The following CREBRF variants were observed in gnomAD, a reference collection of about 807,000 sequenced individuals.
CREBRF encodes UPF0474 protein C5orf41.
Under a neutral mutation model 66.1 loss-of-function variants are expected in CREBRF, and 5 were observed. That is an observed-to-expected ratio of 0.08 (90% CI 0.04 to 0.16). The LOEUF is 0.16. CREBRF is among the 10% of genes least tolerant of loss of function. CREBRF has a pLI of 1.00. For missense variants in CREBRF, 531 were observed against 744.9 expected, an observed-to-expected ratio of 0.71 and a Z score of 3.34; for synonymous variants, 229 against 264.4, an observed-to-expected ratio of 0.87 and a Z score of 1.30.
Position 173,056,411 on chromosome 5 carries a change from G to A in CREBRF, c.-260G>A, listed in dbSNP as rs939868051. 3 of 398,192 alleles carry A rather than the reference G, an allele frequency of 7.5e-6. No individual in the cohort carries two copies. The highest frequency in any genetic ancestry group is 1.3e-5 in the Non-Finnish European group (3 of 225,822). 24.7% of individuals were successfully genotyped at this position (398,192 alleles called of 1,614,324 possible). On this transcript the variant is annotated 5_prime_UTR_variant, in exon 1 of 9. Transcript: ENST00000296953. Reference sequence around the variant, plus strand: ...ACATAAACAAAACAAACCCGAGGCAGCATGGAGAGGGGCCGTGGCCCCTGC... The same window carrying A: ...ACATAAACAAAACAAACCCGAGGCAACATGGAGAGGGGCCGTGGCCCCTGC...
intron 1 of CREBRF, among the ~76,000 whole-genome samples, chr5:173,073,739 G>A (rs193986): frequency 0.49 from 73,975 of 152,042 alleles, 19,138 homozygotes; most frequent in Non-Finnish European, 0.58. Context: ...AGGCCGAGGC[G>A]GGCGGATCAC....
At chr5:173,077,969 G>A (rs1033956480) in intron 1 of CREBRF, among the ~76,000 whole-genome samples, 6 of 152,098 alleles carry the variant, frequency 3.9e-5, no homozygotes, top group African/African-American at 1.2e-4. Context: ...TCATCTGTTT[G>A]TGGACACTTG....
chr5:173,102,488 A>G (rs771694571), intron 4 of CREBRF, among the ~76,000 whole-genome samples: 1 of 152,112 alleles, frequency 6.6e-6, no homozygotes, highest in Non-Finnish European at 1.5e-5. Flanking sequence ...GTCAGCAGCC[A>G]GGTGGGTCTG....
rs184409011 is a variant in CREBRF, at chr5:173,082,352, G to T, written c.9+1568G>T. Reference sequence around the variant, plus strand: ...TATTTATTGAGTACTTGAATTTGGGGCTTAAATTTTAAACTTATTTTCTCA... The same window carrying T: ...TATTTATTGAGTACTTGAATTTGGGTCTTAAATTTTAAACTTATTTTCTCA... On this transcript the variant is annotated intron_variant, in intron 2 of 8. Coordinates refer to ENST00000296953, the MANE Select transcript of CREBRF (RefSeq NM_153607.3). Among the ~76,000 whole-genome samples, 388 of 151,832 alleles carry T rather than the reference G, an allele frequency of 2.6e-3. 3 individuals carry two copies. Among genetic ancestry groups the T allele is most frequent in the African/African-American group, 9.2e-3 (383 of 41,448 alleles).
intron 1 of CREBRF, among the ~76,000 whole-genome samples, chr5:173,065,757 C>T (rs1413438690): frequency 6.6e-6 from 1 of 151,438 alleles, no homozygotes; most frequent in Non-Finnish European, 1.5e-5. Flanking sequence ...ATCCTCCCAC[C>T]TCAGCCTCAC....
chr5:173,059,811 T>C (rs944844073), intron 1 of CREBRF, among the ~76,000 whole-genome samples: 7 of 152,228 alleles, frequency 4.6e-5, no homozygotes, highest in African/African-American at 1.7e-4. Flanking sequence ...GTATAATTCC[T>C]TCATATGACT....
chr5:173,091,215 G>C lies in CREBRF; in HGVS notation c.1036G>C (p.Gly346Arg). The C allele has an allele frequency of 1.2e-6, 2 of 1,614,114 alleles. No homozygotes were observed. Among genetic ancestry groups the C allele is most frequent in the Non-Finnish European group, 1.7e-6 (2 of 1,180,022 alleles). ...TTCTCTTTTTGTCTCCGACAACTTG[G>C]GTGAACAGCCAACTAAATGCAGTCC... ...NYSLFVSDNL[G>R]EQPTKCSPEE... is the part of the protein sequence containing the mutation. The change falls in exon 4 of 9, where the codon GGT (glycine) becomes CGT (arginine). Residue 346 changes from glycine to arginine, a missense_variant. Gly to Arg is a moderately radical substitution (Grantham distance 125). This residue lies in a region of CREBRF where 309 missense variants were observed against 341.4 expected (regional missense o/e 0.90). Transcript: ENST00000296953.
rs116101142 is a variant in CREBRF, at chr5:173,071,533, T to A, written c.-191-9052T>A. ...CCTTGTTTTTGTTTTTTTAAGAGAC[T>A]AGGTCTCACTTTGTGGGCCAGGCTT... On this transcript the variant is annotated intron_variant, in intron 1 of 8. Transcript: ENST00000296953. 6.4e-3 allele frequency among the ~76,000 whole-genome samples: 969 copies of A among 151,664 alleles called. 9 individuals carry two copies. The highest frequency in any genetic ancestry group is 0.011 in the Non-Finnish European group (753 of 67,906).
rs552691457 is a variant in CREBRF, at chr5:173,122,277, G to GT, written c.1682-799dup. Among the ~76,000 whole-genome samples, 20 of 152,152 alleles carry GT rather than the reference G, an allele frequency of 1.3e-4. No homozygotes were observed. The South Asian group carries it at 4.2e-3, about 32-fold the overall frequency. On this transcript the variant is annotated intron_variant, in intron 7 of 8. Transcript: ENST00000296953. Reference sequence around the variant, plus strand: ...CCACCACACCTGGCTAATTTTCGTGGTTTTATTAGACACAGGGTTTCACCG... The same window carrying GT: ...CCACCACACCTGGCTAATTTTCGTGGTTTTTATTAGACACAGGGTTTCACCG...
At chr5:173,102,108 G>A (rs1758643185) in intron 4 of CREBRF, among the ~76,000 whole-genome samples, 1 of 152,134 alleles carries the variant, frequency 6.6e-6, no homozygotes, top group African/African-American at 2.4e-5. Context: ...TTTAGTCCTT[G>A]TGTTCTTCAG....
At chr5:173,095,104 A>T (rs1758444588) in intron 4 of CREBRF, among the ~76,000 whole-genome samples, 1 of 150,992 alleles carries the variant, frequency 6.6e-6, no homozygotes, top group South Asian at 2.1e-4. Context: ...ATAATGTGGG[A>T]ATTTATTTCT....
At chr5:173,059,430 A>G (rs1377595238) in intron 1 of CREBRF, among the ~76,000 whole-genome samples, 1 of 150,942 alleles carries the variant, frequency 6.6e-6, no homozygotes, top group Non-Finnish European at 1.5e-5. Flanking sequence ...ACGCCCGGCT[A>G]ATTTTGTATT....
intron 4 of CREBRF, 177 bp downstream of exon 4, chr5:173,091,578 C>CA: frequency 7.2e-7 from 1 of 1,391,100 alleles, no homozygotes; most frequent in Non-Finnish European, 9.3e-7. Flanking sequence ...CTAAAATGAT[C>CA]ACTTTTGCTC....
At chr5:173,129,412 G>A (rs530992971) in intron 8 of CREBRF, among the ~76,000 whole-genome samples, 4 of 152,020 alleles carry the variant, frequency 2.6e-5, no homozygotes, top group Admixed American at 6.6e-5. Flanking sequence ...CACCGCGCCC[G>A]GCCAGTTACA....
intron 1 of CREBRF, among the ~76,000 whole-genome samples, chr5:173,058,813 T>A (rs1473358018): frequency 1.1e-3 from 109 of 100,342 alleles, no homozygotes; most frequent in Admixed American, 1.9e-3. Flanking sequence ...TTTTTTTTTT[T>A]AAGACGGAGT....
chr5:173,069,971 C>G (rs917752480), intron 1 of CREBRF, among the ~76,000 whole-genome samples: 2 of 151,318 alleles, frequency 1.3e-5, no homozygotes, highest in African/African-American at 2.4e-5. Context: ...GGCGTGATCT[C>G]GGCTTACTGT....
chr5:173,076,286 C>T (rs776696939), intron 1 of CREBRF, among the ~76,000 whole-genome samples: 4 of 152,124 alleles, frequency 2.6e-5, no homozygotes, highest in African/African-American at 4.8e-5. Flanking sequence ...TTGATACCTA[C>T]CTCTTAAAGG....
Position 173,138,628 on chromosome 5 carries a change from A to G in CREBRF, c.*4883A>G, listed in dbSNP as rs1018940967. 1 of 152,204 alleles carries G rather than the reference A, an allele frequency of 6.6e-6. No homozygotes were observed. The highest frequency in any genetic ancestry group is 1.5e-5 in the Non-Finnish European group (1 of 68,032). 9.4% of individuals were successfully genotyped at this position (152,204 alleles called of 1,614,324 possible). ...GGTTCGGTTTGCCTCTTTCATAACA[A>G]TGTAAACACAATGGTGTAGTTAATT... On this transcript the variant is annotated 3_prime_UTR_variant, in exon 9 of 9. Transcript: ENST00000296953.
chr5:173,059,028 G>A (rs1757175885), intron 1 of CREBRF, among the ~76,000 whole-genome samples: 3 of 151,368 alleles, frequency 2.0e-5, no homozygotes, highest in Non-Finnish European at 4.4e-5. Context: ...CGAACTTCTG[G>A]CTTTAGGTGA....
Sources: gnomAD v4.1 joint callset for allele counts (sites outside exome capture counted in the v4.1 genomes callset) on GRCh38, gnomAD v4.1.1 for gene constraint, gnomAD v4.1.1 regional missense constraint, MANE v1.5 for transcripts, NCBI Gene and HGNC (gene_info 2026-07-23, HGNC 2026-07-21) for gene names.